Variants in CLASRP observed in about 807,000 individuals in gnomAD.
CLASRP encodes the protein CLK4 associating serine/arginine rich protein.
A neutral mutation model predicts 99.9 loss-of-function variants in CLASRP; 52 were observed. The ratio of observed to expected loss-of-function variants is 0.52; its 90% CI spans 0.42 to 0.66. The LOEUF (loss-of-function observed/expected upper bound fraction) is 0.66. Among genes scored for constraint, CLASRP ranks in the 30% least tolerant of loss-of-function variants. The pLI, the probability that CLASRP is intolerant of heterozygous loss-of-function variation, is 0.00. For synonymous variants in CLASRP, 379 were observed against 373.0 expected (o/e 1.02, Z -0.18); for missense variants, 848 against 999.2 (o/e 0.85, Z 2.04).
In CLASRP at chr19:45,053,084, G is replaced by A. The variant is rs183712148; in HGVS notation, c.300-14G>A. 1,953 of 1,613,710 alleles carry A rather than the reference G, an allele frequency of 1.2e-3. No homozygotes were observed. The highest frequency in any genetic ancestry group is 1.6e-3 in the Non-Finnish European group (1,871 of 1,179,890). On this transcript the variant is annotated splice_polypyrimidine_tract_variant and intron_variant, in intron 4 of 20. Transcript: ENST00000221455. ...TCCTTCTCTCTGATTTCAAGGTCTC[G>A]CCCTTCCCTAAAGCTCCCCAGAACA...
Position 45,070,168 on chromosome 19 carries a change from C to T in CLASRP, c.1957+64C>T, listed in dbSNP as rs1188622010. On this transcript the variant is annotated intron_variant, in intron 19 of 20. Coordinates refer to ENST00000221455, the MANE Select transcript of CLASRP (RefSeq NM_007056.3). ...AAAGAAAAGTGTCAAGCAGGGTTAC[C>T]AAAAAAACCATAGTACAGCCGGGCG... 13 of 1,078,246 alleles carry T rather than the reference C, an allele frequency of 1.2e-5. No individual in the cohort carries two copies. In the Admixed American group the frequency reaches 2.1e-4, roughly 17 times the overall value. The allele number at this position is 1,078,246 out of a possible 1,614,324, so 66.8% of individuals were successfully genotyped here.
At chr19:45,070,763 G>T (rs1238956833) in intron 20 of CLASRP, 40 bp from the exon 21 acceptor site, 5 of 1,567,684 alleles carry the variant, frequency 3.2e-6, no homozygotes, top group Admixed American at 1.7e-5. Context: ...GTTGATGTGT[G>T]TATGCCCCAT....
chr19:45,067,966 C>T lies in CLASRP; in HGVS notation c.1668-49C>T. ...CTGAGGCTGGGGTCAGAGGTGGCAG[C>T]TGCCCTTTCCCCCTCCCAACCATGT... On this transcript the variant is annotated intron_variant, in intron 14 of 20. Coordinates refer to ENST00000221455, the MANE Select transcript of CLASRP (RefSeq NM_007056.3). This position sits in a 1 kb window ranked among gnomAD's most constrained non-coding sequence, Gnocchi z 4.9. 7 of 1,391,758 alleles carry T rather than the reference C, an allele frequency of 5.0e-6. No homozygotes were observed. The highest frequency in any genetic ancestry group is 7.2e-6 in the Non-Finnish European group (7 of 977,682). 86.2% of individuals were successfully genotyped at this position (1,391,758 alleles called of 1,614,324 possible).
rs766592049 is a variant in CLASRP, at chr19:45,060,670, G to C, written c.863+43G>C. The C allele has an allele frequency of 6.8e-7, 1 of 1,477,856 alleles. No homozygotes were observed. The highest frequency in any genetic ancestry group is 2.4e-4 in the Middle Eastern group (1 of 4,088). 91.5% of individuals were successfully genotyped at this position (1,477,856 alleles called of 1,614,324 possible). ...ACCCCCACCCTGCTGGCATCTGGGG[G>C]AGGAGAGCAGGGGCTTAGGGCCTGA... On this transcript the variant is annotated intron_variant, in intron 10 of 20. Transcript: ENST00000221455. The surrounding 1 kb of genome is among the most constrained non-coding windows in gnomAD (Gnocchi z 4.6).
intron 11 of CLASRP, among the ~76,000 whole-genome samples, chr19:45,062,659 GCGTGAGCCACCACGC>G (rs1966967681): frequency 1.3e-5 from 2 of 152,190 alleles, no homozygotes; most frequent in Non-Finnish European, 2.9e-5. Context: ...GGGATTACAG[GCGTGAGCCACCACGC>G]CCGGCCAATA....
intron 2 of CLASRP, among the ~76,000 whole-genome samples, chr19:45,050,974 C>T (rs952558612): frequency 6.6e-6 from 1 of 152,064 alleles, no homozygotes; most frequent in Admixed American, 6.5e-5. Context: ...CTGCCTCGGC[C>T]TCCCAAAGTG....
At chr19:45,055,811 C>T (rs1167851196) in intron 5 of CLASRP, among the ~76,000 whole-genome samples, 3 of 152,096 alleles carry the variant, frequency 2.0e-5, no homozygotes, top group Non-Finnish European at 4.4e-5. Context: ...CCAGCCTGTG[C>T]AACAAGAGTG....
chr19:45,057,955 T>C, intron 7 of CLASRP, 57 bp downstream of exon 7: 1 of 1,605,988 alleles, frequency 6.2e-7, no homozygotes, highest in South Asian at 1.1e-5. Flanking sequence ...TTTCTGTGTC[T>C]CGTCCCTCAC....
intron 2 of CLASRP, among the ~76,000 whole-genome samples, chr19:45,049,338 T>TTG (rs1971979609): frequency 6.6e-6 from 1 of 152,162 alleles, no homozygotes; most frequent in African/African-American, 2.4e-5. Context: ...CTGGGTGCGC[T>TTG]GTGTGGCCCC....
intron 10 of CLASRP, among the ~76,000 whole-genome samples, chr19:45,061,176 ATGCCTCTTTT>A (rs1343980737): frequency 2.0e-5 from 3 of 152,196 alleles, no homozygotes; most frequent in Non-Finnish European, 4.4e-5. Flanking sequence ...GTGCAAACCC[ATGCCTCTTTT>A]TGCCACATCT....
rs1442597726 is a variant in CLASRP at position 45,059,253 on chromosome 19, T to G, written c.614-15T>G. 1 of 1,604,094 alleles carries G rather than the reference T, an allele frequency of 6.2e-7. No homozygotes were observed. The highest frequency in any genetic ancestry group is 1.1e-5 in the South Asian group (1 of 89,276). ...CGCTCGGCCGTGGCTCCTGACAGCCTTTCTCTTGGTGCAGACGTGGAGGTG... is the reference window on the plus strand; with the variant it reads ...CGCTCGGCCGTGGCTCCTGACAGCCGTTCTCTTGGTGCAGACGTGGAGGTG... On this transcript the variant is annotated splice_polypyrimidine_tract_variant and intron_variant, in intron 7 of 20. Transcript: ENST00000221455.
chr19:45,043,722 T>C (rs1269784573), intron 2 of CLASRP, among the ~76,000 whole-genome samples: 1 of 152,124 alleles, frequency 6.6e-6, no homozygotes, highest in Non-Finnish European at 1.5e-5. Flanking sequence ...GAGAGCTCCT[T>C]GCTTACCTCT....
At position 45,064,230 on chromosome 19, in the gene CLASRP, C is replaced by A. The variant is rs769090123; in HGVS notation, c.1121+3C>A. ...CCGGGACGTAATGCCAGCGCCCGGTCGGTAACGCTCACGCCGCCCGCCCTA... is the reference window on the plus strand; with the variant it reads ...CCGGGACGTAATGCCAGCGCCCGGTAGGTAACGCTCACGCCGCCCGCCCTA... On this transcript the variant is annotated splice_donor_region_variant and intron_variant, in intron 12 of 20. Transcript: ENST00000221455. The A allele has an allele frequency of 1.6e-5, 26 of 1,583,794 alleles. No homozygotes were observed. The highest frequency in any genetic ancestry group is 2.2e-5 in the Non-Finnish European group (26 of 1,166,752).
At chr19:45,068,864 G>A (rs896444739) in intron 16 of CLASRP, among the ~76,000 whole-genome samples, 9 of 152,204 alleles carry the variant, frequency 5.9e-5, no homozygotes, top group African/African-American at 1.4e-4. Flanking sequence ...GTTGGTGGGC[G>A]CCTGTAGTCC....
At chr19:45,039,785 C>T (rs879543221) in intron 1 of CLASRP, 4 of 168,302 alleles carry the variant, frequency 2.4e-5, no homozygotes, top group Admixed American at 1.8e-4. Context: ...CCCAACCCCA[C>T]GCATGGCCCC....
At chr19:45,069,040 A>T in intron 16 of CLASRP, 26 bp from the exon 17 acceptor site, 2 of 1,610,716 alleles carry the variant, frequency 1.2e-6, no homozygotes, top group Non-Finnish European at 1.7e-6. Context: ...GGAACCCCTC[A>T]GCCACCCTGT....
chr19:45,070,214 C>T, intron 19 of CLASRP, 110 bp downstream of exon 19: 1 of 754,508 alleles, frequency 1.3e-6, no homozygotes, highest in Non-Finnish European at 2.4e-6. Flanking sequence ...CGCCTGTAAT[C>T]CCAGCACTTT....
In CLASRP at chr19:45,060,886, G is replaced by A. The variant is rs1966924568; in HGVS notation, c.863+259G>A. Among the ~76,000 whole-genome samples the A allele has an allele frequency of 6.6e-6, 1 of 152,210 alleles. No individual in the cohort carries two copies. Among genetic ancestry groups the A allele is most frequent in the African/African-American group, 2.4e-5 (1 of 41,446 alleles). On this transcript the variant is annotated intron_variant, in intron 10 of 20. Coordinates refer to ENST00000221455, the MANE Select transcript of CLASRP (RefSeq NM_007056.3). The surrounding 1 kb of genome is among the most constrained non-coding windows in gnomAD (Gnocchi z 4.6). Reference sequence around the variant, plus strand: ...GACTCCCAGGAGCCCATGCACAGGCGGCATAAGGCTCTCACCAAGGCGGCA... The same window carrying A: ...GACTCCCAGGAGCCCATGCACAGGCAGCATAAGGCTCTCACCAAGGCGGCA...
At chr19:45,053,451 G>T (rs1972064792) in intron 5 of CLASRP, among the ~76,000 whole-genome samples, 1 of 152,080 alleles carries the variant, frequency 6.6e-6, no homozygotes, top group Admixed American at 6.6e-5. Flanking sequence ...AAAAAATAGA[G>T]AAAATAGCAA....
Sources: allele counts gnomAD v4.1 joint callset (sites outside exome capture counted in the v4.1 genomes callset), GRCh38; gene constraint gnomAD v4.1.1; non-coding constraint Gnocchi (gnomAD v3.1); transcripts MANE v1.5; gene names NCBI Gene and HGNC (gene_info 2026-07-23, HGNC 2026-07-21).